Variants in SERGEF observed in about 807,000 individuals in gnomAD.
The protein encoded by SERGEF is secretion-regulating guanine nucleotide exchange factor.
SERGEF carries 51 observed loss-of-function variants against 50.0 expected under a neutral mutation model. That is an observed-to-expected ratio of 1.02 (90% confidence interval 0.81 to 1.29). The LOEUF (loss-of-function observed/expected upper bound fraction) is 1.29. SERGEF is among the 50% of genes most tolerant of loss of function. The pLI is 0.00. For missense variants in SERGEF, 521 were observed against 557.0 expected (o/e 0.94, Z 0.65); for synonymous variants, 205 against 212.4 (o/e 0.97, Z 0.30).
chr11:17,959,776 A>G (rs1338422420), intron 8 of SERGEF, 140 bp from the exon 9 acceptor site: 1 of 688,600 alleles, frequency 1.5e-6, no homozygotes, highest in Non-Finnish European at 2.4e-6. Context: ...TAAAGAAGGC[A>G]CATGCACTCA....
chr11:17,869,369 C>G (rs1851093236), intron 10 of SERGEF, among the ~76,000 whole-genome samples: 1 of 152,114 alleles, frequency 6.6e-6, no homozygotes, highest in Non-Finnish European at 1.5e-5. Flanking sequence ...TAAAGAACAC[C>G]TAGACATTTA....
rs973510579 is a variant in SERGEF, at chr11:18,004,446, T to C, written c.442A>G (p.Ile148Val). The change falls in exon 4 of 11, where the codon ATT becomes GTT. Residue 148 changes from isoleucine to valine, a missense_variant. Transcript: ENST00000265965. Reference sequence around the variant, plus strand: ...TAAATATTAACTGTCCTCACCTCAATGGCCTGGGGAACCACACATCTTCGA... The same window carrying C: ...TAAATATTAACTGTCCTCACCTCAACGGCCTGGGGAACCACACATCTTCGA... Reference protein sequence around the residue: ...GPRRCVVPQAIELHKEKVVCI... With the variant: ...GPRRCVVPQAVELHKEKVVCI... 7 of 1,612,546 alleles carry C rather than the reference T, an allele frequency of 4.3e-6. No individual in the cohort carries two copies. The East Asian group carries it at 1.1e-4, about 26-fold the overall frequency.
At chr11:17,942,167 T>C (rs1441361155) in intron 9 of SERGEF, among the ~76,000 whole-genome samples, 1 of 152,114 alleles carries the variant, frequency 6.6e-6, no homozygotes, top group African/African-American at 2.4e-5. Flanking sequence ...GAGATTTTGA[T>C]TGGGGTTGCT....
At chr11:17,946,567 T>C (rs1852666577) in intron 9 of SERGEF, among the ~76,000 whole-genome samples, 1 of 152,178 alleles carries the variant, frequency 6.6e-6, no homozygotes, top group South Asian at 2.1e-4. Context: ...TATGCAGCTT[T>C]ACAAAATGTG....
chr11:17,874,080 G>A (rs1309955635), intron 10 of SERGEF: 1 of 152,256 alleles, frequency 6.6e-6, no homozygotes, highest in African/African-American at 2.4e-5. Flanking sequence ...CCCACAAATG[G>A]GAGTTAGCCA....
At chr11:17,914,173 T>G (rs577999449) in intron 9 of SERGEF, among the ~76,000 whole-genome samples, 1 of 152,354 alleles carries the variant, frequency 6.6e-6, no homozygotes, top group Admixed American at 6.5e-5. Context: ...GTTCATGCTG[T>G]GCACTCCATC....
chr11:17,829,199 C>T (rs1011134022), intron 10 of SERGEF, among the ~76,000 whole-genome samples: 24 of 152,170 alleles, frequency 1.6e-4, no homozygotes, highest in African/African-American at 5.6e-4. Context: ...GGGTAAGTTC[C>T]CTAATCTCTC....
chr11:17,887,327 C>T (rs1408072662), intron 9 of SERGEF, among the ~76,000 whole-genome samples: 6 of 152,136 alleles, frequency 3.9e-5, no homozygotes, highest in African/African-American at 1.4e-4. Flanking sequence ...TCCTTGCCAA[C>T]TAAAAAAGCC....
chr11:17,951,440 C>G (rs1397806110), intron 9 of SERGEF, among the ~76,000 whole-genome samples: 1 of 152,190 alleles, frequency 6.6e-6, no homozygotes, highest in Non-Finnish European at 1.5e-5. Flanking sequence ...CCAAGTCACG[C>G]TCTACGTTTA....
chr11:17,881,220 G>C (rs1295991223), intron 9 of SERGEF, among the ~76,000 whole-genome samples: 1 of 152,214 alleles, frequency 6.6e-6, no homozygotes, highest in Non-Finnish European at 1.5e-5. Context: ...AATGCAGAGA[G>C]AGAAAAGCCC....
chr11:18,006,633 G>A lies in SERGEF; in HGVS notation c.310C>T (p.Gln104Ter). Residue 104 changes from glutamine to a stop codon, truncating the protein, a stop_gained, in exon 3 of 11, where the codon CAA (glutamine) becomes TAA (stop). Transcript: ENST00000265965. LOFTEE classifies it high-confidence loss of function. ...PCKSLFGCPI[Q>*]QVACGWDFTI... ...AAATCCCAGCCACAGGCCACCTGTT[G>A]GATGGGACAGCCAAAGAGGGATTTG... The A allele has an allele frequency of 1.9e-6, 3 of 1,614,120 alleles. No homozygotes were observed. Among genetic ancestry groups the A allele is most frequent in the Non-Finnish European group, 2.5e-6 (3 of 1,180,000 alleles).
At chr11:17,878,685 C>T (rs1450348050) in intron 9 of SERGEF, among the ~76,000 whole-genome samples, 1 of 152,190 alleles carries the variant, frequency 6.6e-6, no homozygotes, top group East Asian at 1.9e-4. Flanking sequence ...ACAGACTGGT[C>T]TGTGGAGAAA....
intron 9 of SERGEF, among the ~76,000 whole-genome samples, chr11:17,956,643 C>A (rs899363131): frequency 6.6e-6 from 1 of 152,170 alleles, no homozygotes; most frequent in Non-Finnish European, 1.5e-5. Flanking sequence ...GCTTGGCTAT[C>A]CTTCTGGACC....
chr11:17,844,764 A>G (rs551443936), intron 10 of SERGEF, among the ~76,000 whole-genome samples: 11 of 152,172 alleles, frequency 7.2e-5, no homozygotes, highest in Non-Finnish European at 1.5e-4. Flanking sequence ...CATTGGCTAC[A>G]TGTAGAAGAC....
intron 10 of SERGEF, among the ~76,000 whole-genome samples, chr11:17,836,359 AG>A (rs2133858439): frequency 6.6e-6 from 1 of 152,334 alleles, no homozygotes; most frequent in Non-Finnish European, 1.5e-5. Flanking sequence ...CATCCACTCA[AG>A]GTCTACTGGA....
chr11:17,858,703 G>A (rs986460569), intron 10 of SERGEF, among the ~76,000 whole-genome samples: 1 of 152,218 alleles, frequency 6.6e-6, no homozygotes, highest in East Asian at 1.9e-4. Flanking sequence ...AAACTGGACA[G>A]CAGGTGAGAG....
chr11:17,982,607 G>A (rs1330772513), intron 8 of SERGEF, among the ~76,000 whole-genome samples: 1 of 152,154 alleles, frequency 6.6e-6, no homozygotes, highest in African/African-American at 2.4e-5. Context: ...ATGGAGTAAT[G>A]TATACTGTCA....
chr11:18,012,750 A>C, intron 1 of SERGEF: 8 of 1,393,702 alleles, frequency 5.7e-6, no homozygotes, highest in Non-Finnish European at 6.7e-6. Flanking sequence ...GCAGGCCCCT[A>C]AGTCGACCGC....
At chr11:17,861,541 G>C (rs779650037) in intron 10 of SERGEF, among the ~76,000 whole-genome samples, 1 of 152,248 alleles carries the variant, frequency 6.6e-6, no homozygotes, top group Non-Finnish European at 1.5e-5. Flanking sequence ...CTTTCTCTGA[G>C]AACTTCAGAG....
Sources: allele counts gnomAD v4.1 joint callset (sites outside exome capture counted in the v4.1 genomes callset), GRCh38; gene constraint gnomAD v4.1.1; transcripts MANE v1.5; gene names NCBI Gene and HGNC (gene_info 2026-07-23, HGNC 2026-07-21).